SLC7A5: variants seen among roughly 807,000 people sequenced by gnomAD.
SLC7A5 encodes solute carrier family 7 member 5.
Under a neutral mutation model 50.2 loss-of-function variants are expected in SLC7A5, and 23 were observed. The ratio of observed to expected loss-of-function variants is 0.46; its 90% CI spans 0.33 to 0.65. SLC7A5 has a LOEUF of 0.65. Ranked by LOEUF, SLC7A5 falls within the 30% of genes least tolerant of loss-of-function variation. The pLI is 0.02. For missense variants in SLC7A5, 578 were observed against 684.4 expected, an observed-to-expected ratio of 0.84 and a Z score of 1.73; for synonymous variants, 393 against 330.6, an observed-to-expected ratio of 1.19 and a Z score of -2.05.
At chr16:87,867,014 C>A (rs1424006511) in intron 1 of SLC7A5, among the ~76,000 whole-genome samples, 1 of 151,864 alleles carries the variant, frequency 6.6e-6, no homozygotes. Flanking sequence ...TCACTGCAAC[C>A]TCCACATCCC....
chr16:87,868,475 T>A (rs2055491063), intron 1 of SLC7A5, among the ~76,000 whole-genome samples: 1 of 152,210 alleles, frequency 6.6e-6, no homozygotes, highest in East Asian at 1.9e-4. Flanking sequence ...TTAACTGCAA[T>A]TTCCTTCTCA....
chr16:87,849,870 A>C (rs1360218523), intron 2 of SLC7A5, among the ~76,000 whole-genome samples: 2 of 152,070 alleles, frequency 1.3e-5, no homozygotes, highest in African/African-American at 4.8e-5. Context: ...CGAGCTCCTG[A>C]AGGATTGACC....
intron 3 of SLC7A5, 124 bp downstream of exon 3, chr16:87,840,926 A>C (rs1196348932): frequency 1.6e-6 from 1 of 623,402 alleles, no homozygotes; most frequent in African/African-American, 2.0e-5. Context: ...GCCAAGGGGC[A>C]GTTAAAGGGA....
In SLC7A5 at chr16:87,861,576, G is replaced by GGCCAAGAGGT. The variant is rs1171060539; in HGVS notation, c.538+7299_538+7308dup. On this transcript the variant is annotated intron_variant, in intron 1 of 9. Transcript: ENST00000261622. This position sits in a 1 kb window ranked among gnomAD's most constrained non-coding sequence, Gnocchi z 4.2. ...GAGTGCAAAGTGGTGGCCAAGAGGT[G>GGCCAAGAGGT]GCCAAGAGGTGCCAAGAGGTGGTCC... Among the ~76,000 whole-genome samples, 1 of 152,114 alleles carries GGCCAAGAGGT rather than the reference G, an allele frequency of 6.6e-6. No homozygotes were observed. The highest frequency in any genetic ancestry group is 1.5e-5 in the Non-Finnish European group (1 of 68,006).
chr16:87,850,086 T>C, intron 2 of SLC7A5, among the ~76,000 whole-genome samples: 1 of 152,192 alleles, frequency 6.6e-6, no homozygotes, highest in East Asian at 1.9e-4. Flanking sequence ...ACCTGCTTGG[T>C]GTGGAGACCC....
In SLC7A5 at chr16:87,838,763, C is replaced by A. The variant is rs758804079; in HGVS notation, c.994G>T (p.Gly332Cys). Reference sequence around the variant, plus strand: ...TTGACGGAGCCGAAGCAGGACAGGCCCACGAAGACGGGGATGATCCAGGAC... The same window carrying A: ...TTGACGGAGCCGAAGCAGGACAGGCACACGAAGACGGGGATGATCCAGGAC... ...VMSWIIPVFV[G>C]LSCFGSVNGS... The change falls in exon 6 of 10, where the codon GGC becomes TGC. Residue 332 changes from glycine to cysteine, a missense_variant. Physicochemically the swap from Gly to Cys is radical, Grantham distance 159. Coordinates refer to ENST00000261622, the MANE Select transcript of SLC7A5 (RefSeq NM_003486.7). The A allele has an allele frequency of 6.2e-7, 1 of 1,614,088 alleles. No homozygotes were observed. Among genetic ancestry groups the A allele is most frequent in the African/African-American group, 1.3e-5 (1 of 75,060 alleles).
chr16:87,839,637 C>A, intron 5 of SLC7A5, 65 bp downstream of exon 5: 1 of 1,608,068 alleles, frequency 6.2e-7, no homozygotes, highest in South Asian at 1.1e-5. Context: ...CCACTCCGGT[C>A]TGGAAGGGAC....
At chr16:87,843,909 T>G (rs1273943142) in intron 2 of SLC7A5, among the ~76,000 whole-genome samples, 1 of 152,138 alleles carries the variant, frequency 6.6e-6, no homozygotes, top group Non-Finnish European at 1.5e-5. Context: ...TTCTCTCCCA[T>G]GGACCCTAGA....
At chr16:87,842,596 G>A (rs1266542472) in intron 2 of SLC7A5, among the ~76,000 whole-genome samples, 6 of 152,170 alleles carry the variant, frequency 3.9e-5, no homozygotes, top group African/African-American at 4.8e-5. Context: ...GGATGCCTGC[G>A]GCTCTGCCTC....
rs866682914 is a variant in SLC7A5 at position 87,862,770 on chromosome 16, G to T, written c.538+6115C>A. On this transcript the variant is annotated intron_variant, in intron 1 of 9. Coordinates refer to ENST00000261622, the MANE Select transcript of SLC7A5 (RefSeq NM_003486.7). This position sits in a 1 kb window ranked among gnomAD's most constrained non-coding sequence, Gnocchi z 5.3. ...CCATTCCACAGTCAGAAACAGGCTC[G>T]GCGGGGCCAGGTGGATTTCTCAAAG... Among the ~76,000 whole-genome samples, 1 of 152,230 alleles carries T rather than the reference G, an allele frequency of 6.6e-6. No homozygotes were observed. The highest frequency in any genetic ancestry group is 2.4e-5 in the African/African-American group (1 of 41,466).
At position 87,852,811 on chromosome 16, in the gene SLC7A5, G is replaced by A. The variant is rs1355215271; in HGVS notation, c.539-962C>T. ...TGAGCCACTATTCAGGGATCTGTGAGCTGGTGGGGAAACAGCCACCCCCAC... is the reference window on the plus strand; with the variant it reads ...TGAGCCACTATTCAGGGATCTGTGAACTGGTGGGGAAACAGCCACCCCCAC... On this transcript the variant is annotated intron_variant, in intron 1 of 9. Coordinates refer to ENST00000261622, the MANE Select transcript of SLC7A5 (RefSeq NM_003486.7). This position sits in a 1 kb window ranked among gnomAD's most constrained non-coding sequence, Gnocchi z 4.5. Among the ~76,000 whole-genome samples the A allele has an allele frequency of 6.6e-6, 1 of 151,982 alleles. No homozygotes were observed. The highest frequency in any genetic ancestry group is 1.5e-5 in the Non-Finnish European group (1 of 67,986).
At position 87,853,804 on chromosome 16, in the gene SLC7A5, C is replaced by G. The variant is rs1168773323; in HGVS notation, c.539-1955G>C. On this transcript the variant is annotated intron_variant, in intron 1 of 9. Transcript: ENST00000261622. The surrounding 1 kb of genome is among the most constrained non-coding windows in gnomAD (Gnocchi z 4.4). ...GGAGTGGGTGTGGCCAAGCCGCACTCGAGGCTGCCTCTCCCCAAAAGGGAG... is the reference window on the plus strand; with the variant it reads ...GGAGTGGGTGTGGCCAAGCCGCACTGGAGGCTGCCTCTCCCCAAAAGGGAG... 2 of 152,152 alleles carry G rather than the reference C, an allele frequency of 1.3e-5. No individual in the cohort carries two copies. Among genetic ancestry groups the G allele is most frequent in the Admixed American group, 6.5e-5 (1 of 15,268 alleles). The allele number at this position is 152,152 out of a possible 1,614,324, so 9.4% of individuals were successfully genotyped here.
rs956400342 is a variant in SLC7A5, at chr16:87,834,481, G to A, written c.1401C>T (p.Ser467=). 13 of 1,576,644 alleles carry A rather than the reference G, an allele frequency of 8.2e-6. No homozygotes were observed. Among genetic ancestry groups the A allele is most frequent in the Admixed American group, 1.9e-5 (1 of 52,658 alleles). ...ECGIGFTIIL[S]GLPVYFFGVW... The stretch of plus-strand genomic sequence containing the variant: ...CCCCGAAGAAGTAGACGGGCAGCCC[G>A]CTGAGGATGATGGTGAAGCCGATGC... The change falls in exon 9 of 10, where the codon AGC becomes AGT. Residue 467 remains serine (S), a synonymous_variant. Transcript: ENST00000261622.
intron 6 of SLC7A5, among the ~76,000 whole-genome samples, chr16:87,838,291 CTTTTTTT>C (rs58144270): frequency 4.4e-4 from 53 of 120,046 alleles, no homozygotes; most frequent in South Asian, 5.0e-4. Context: ...TTGCTGCTGC[CTTTTTTT>C]TTTTTTTTTT....
chr16:87,859,031 G>A (rs559052965), intron 1 of SLC7A5, among the ~76,000 whole-genome samples: 4 of 152,338 alleles, frequency 2.6e-5, no homozygotes, highest in African/African-American at 9.6e-5. Flanking sequence ...AGGGGCTCCT[G>A]CCCTGCCCTC....
intron 2 of SLC7A5, 130 bp downstream of exon 2, chr16:87,851,594 A>T: frequency 1.7e-6 from 2 of 1,183,620 alleles, no homozygotes; most frequent in South Asian, 3.1e-5. Context: ...CCCAGAGGGA[A>T]ATCTCCACGT....
chr16:87,859,104 C>A (rs1434890704), intron 1 of SLC7A5, among the ~76,000 whole-genome samples: 1 of 152,212 alleles, frequency 6.6e-6, no homozygotes, highest in Non-Finnish European at 1.5e-5. Flanking sequence ...CCTACCTGAC[C>A]CCTGCCAAAG....
intron 8 of SLC7A5, 117 bp from the exon 9 acceptor site, chr16:87,834,708 C>T (rs1000982650): frequency 1.3e-5 from 13 of 1,029,382 alleles, no homozygotes; most frequent in Non-Finnish European, 1.9e-5. Context: ...ACTTCCAGGT[C>T]ACCAAGATGC....
intron 3 of SLC7A5, 132 bp downstream of exon 3, chr16:87,840,918 C>CA (rs2055075525): frequency 6.0e-6 from 4 of 665,968 alleles, no homozygotes; most frequent in Non-Finnish European, 1.1e-5. Context: ...CTTTAACTGC[C>CA]AAGGGGCAGT....
Sources: gnomAD v4.1 joint callset for allele counts (sites outside exome capture counted in the v4.1 genomes callset) on GRCh38, gnomAD v4.1.1 for gene constraint, Gnocchi (gnomAD v3.1) non-coding constraint, MANE v1.5 for transcripts, NCBI Gene and HGNC (gene_info 2026-07-23, HGNC 2026-07-21) for gene names.